SDK1: variants seen among roughly 807,000 people sequenced by gnomAD.
SDK1 encodes sidekick cell adhesion molecule 1.
In SDK1, 157 loss-of-function variants were observed where a neutral mutation model predicts 245.5. The observed-to-expected ratio is 0.64, with a 90% CI of 0.56 to 0.73. The LOEUF is 0.73. Ranked by LOEUF, SDK1 falls within the 30% of genes least tolerant of loss-of-function variation. The pLI is 0.00. For synonymous variants in SDK1, 1,647 were observed against 1,278.5 expected, an observed-to-expected ratio of 1.29 and a Z score of -6.15; for missense variants, 3,583 against 3,002.3, an observed-to-expected ratio of 1.19 and a Z score of -4.52.
intron 1 of SDK1, among the ~76,000 whole-genome samples, chr7:3,511,087 C>T (rs1279851248): frequency 6.6e-6 from 1 of 152,130 alleles, no homozygotes; most frequent in East Asian, 1.9e-4. Context: ...GTGGCAGGGG[C>T]ATCTTTGAGA....
chr7:3,524,837 A>G (rs886651176), intron 1 of SDK1, among the ~76,000 whole-genome samples: 4 of 152,284 alleles, frequency 2.6e-5, no homozygotes, highest in South Asian at 2.1e-4. Flanking sequence ...TCATCAATCT[A>G]ACAAAAGGTT....
At chr7:3,803,317 T>G (rs1160382335) in intron 4 of SDK1, among the ~76,000 whole-genome samples, 3 of 147,710 alleles carry the variant, frequency 2.0e-5, no homozygotes, top group Admixed American at 6.7e-5. Flanking sequence ...CTTTCTTTCT[T>G]TTTTTTTTTT....
At chr7:3,885,223 A>C (rs1781309007) in intron 5 of SDK1, among the ~76,000 whole-genome samples, 1 of 152,094 alleles carries the variant, frequency 6.6e-6, no homozygotes, top group South Asian at 2.1e-4. Flanking sequence ...GCTGGTTTTG[A>C]GCGAGTGCTA....
intron 1 of SDK1, among the ~76,000 whole-genome samples, chr7:3,489,703 A>G (rs768544596): frequency 6.0e-4 from 92 of 152,346 alleles, no homozygotes; most frequent in Admixed American, 1.0e-3. Context: ...TGTGAAAAAT[A>G]AAGTAGCTTT....
At chr7:3,422,808 A>G (rs1654085561) in intron 1 of SDK1, among the ~76,000 whole-genome samples, 1 of 152,232 alleles carries the variant, frequency 6.6e-6, no homozygotes, top group African/African-American at 2.4e-5. Context: ...TAGACTGTTA[A>G]TTCCTGGGAA....
intron 1 of SDK1, among the ~76,000 whole-genome samples, chr7:3,462,600 C>G (rs532182848): frequency 3.3e-5 from 5 of 152,248 alleles, no homozygotes; most frequent in South Asian, 2.1e-4. Context: ...AAACTCAACT[C>G]GAACTAGACC....
intron 14 of SDK1, among the ~76,000 whole-genome samples, chr7:3,989,639 C>T (rs940682115): frequency 1.3e-5 from 2 of 152,170 alleles, no homozygotes; most frequent in Non-Finnish European, 2.9e-5. Context: ...GTACCCTCCC[C>T]TGAAACCCAG....
intron 4 of SDK1, among the ~76,000 whole-genome samples, chr7:3,738,673 G>A (rs931832146): frequency 6.6e-6 from 1 of 152,124 alleles, no homozygotes; most frequent in African/African-American, 2.4e-5. Context: ...GAAATGGGAT[G>A]TCTTTCCATT....
At chr7:3,562,888 G>GGAAGCAAATACTTAAATATGAAAA (rs11276131) in intron 1 of SDK1, among the ~76,000 whole-genome samples, 2 of 151,672 alleles carry the variant, frequency 1.3e-5, no homozygotes, top group Non-Finnish European at 2.9e-5. Context: ...AAATATGAAG[G>GGAAGCAAATACTTAAATATGAAAA]GAAGCAAATA....
At chr7:3,889,304 G>A (rs1781403615) in intron 5 of SDK1, among the ~76,000 whole-genome samples, 1 of 152,212 alleles carries the variant, frequency 6.6e-6, no homozygotes, top group South Asian at 2.1e-4. Flanking sequence ...CGTGAGAGGA[G>A]GCCATTCTCC....
intron 1 of SDK1, among the ~76,000 whole-genome samples, chr7:3,583,958 G>A (rs1780600013): frequency 1.3e-5 from 2 of 152,276 alleles, no homozygotes; most frequent in Middle Eastern, 3.4e-3. Context: ...GAAGGAATAA[G>A]GCTGGAACCC....
rs1787577987 is a variant in SDK1 at position 4,029,024 on chromosome 7, TGCG to T, written c.2602+11675_2602+11677del. Among the ~76,000 whole-genome samples, 3 of 149,900 alleles carry T rather than the reference TGCG, an allele frequency of 2.0e-5. No individual in the cohort carries two copies. In the South Asian group the frequency reaches 6.4e-4, roughly 32 times the overall value. On this transcript the variant is annotated intron_variant, in intron 17 of 44. Transcript: ENST00000404826. Reference sequence around the variant, plus strand: ...GGGGTCACGTCGGGTGTGCTCAAAGTGCGGCACATTCTACCAACCCCGTTTGCT... The same window carrying T: ...GGGGTCACGTCGGGTGTGCTCAAAGTGCACATTCTACCAACCCCGTTTGCT...
intron 1 of SDK1, among the ~76,000 whole-genome samples, chr7:3,306,317 C>T (rs1443640074): frequency 6.6e-6 from 1 of 152,142 alleles, no homozygotes; most frequent in Non-Finnish European, 1.5e-5. Context: ...TGATGTATTC[C>T]CCTACCCCAA....
At chr7:3,509,352 G>C (rs2705614) in intron 1 of SDK1, among the ~76,000 whole-genome samples, 27,975 of 152,022 alleles carry the variant, frequency 0.18, 3,140 homozygotes, top group South Asian at 0.29. Flanking sequence ...TTGAATCCCA[G>C]CTCTGCCAAC....
At chr7:4,206,020 C>A in intron 36 of SDK1, 26 bp downstream of exon 36, 1 of 1,446,130 alleles carries the variant, frequency 6.9e-7, no homozygotes, top group Admixed American at 2.2e-5. Context: ...GCGGTTGCCT[C>A]CCCTGGCTCG....
chr7:3,797,957 G>C (rs1445842915), intron 4 of SDK1, among the ~76,000 whole-genome samples: 2 of 152,140 alleles, frequency 1.3e-5, no homozygotes, highest in African/African-American at 2.4e-5. Context: ...TTATAAAAGA[G>C]TTGCAAGAGA....
intron 16 of SDK1, among the ~76,000 whole-genome samples, chr7:4,013,143 G>A (rs553265958): frequency 1.3e-5 from 2 of 152,314 alleles, no homozygotes; most frequent in African/African-American, 4.8e-5. Context: ...TGTGGCTGAA[G>A]GGTAGCCAGT....
At chr7:3,389,649 A>C (rs7790184) in intron 1 of SDK1, among the ~76,000 whole-genome samples, 118,583 of 152,138 alleles carry the variant, frequency 0.78, 46,873 homozygotes, top group African/African-American at 0.91. Context: ...TCTGTAGTCC[A>C]AGCTACTCAG....
At chr7:3,373,747 G>T (rs1314815613) in intron 1 of SDK1, among the ~76,000 whole-genome samples, 1 of 152,018 alleles carries the variant, frequency 6.6e-6, no homozygotes, top group African/African-American at 2.4e-5. Context: ...AAAAACAAAG[G>T]TCAACAGACA....
Sources: gnomAD v4.1 joint callset for allele counts (sites outside exome capture counted in the v4.1 genomes callset) on GRCh38, gnomAD v4.1.1 for gene constraint, MANE v1.5 for transcripts, NCBI Gene and HGNC (gene_info 2026-07-23, HGNC 2026-07-21) for gene names.